ZNF606: variants seen among roughly 807,000 people sequenced by gnomAD.
The protein encoded by ZNF606 is zinc finger protein 606, also known as zinc finger protein 328.
Under a neutral mutation model 74.9 loss-of-function variants are expected in ZNF606, and 37 were observed. The observed-to-expected ratio is 0.49, with a 90% CI of 0.38 to 0.65. The LOEUF (loss-of-function observed/expected upper bound fraction) is 0.65, where lower values mean the gene tolerates loss of function less well. ZNF606 is among the 30% of genes least tolerant of loss of function. ZNF606 has a pLI of 0.00. For missense variants in ZNF606, 852 were observed against 952.9 expected (o/e 0.89, Z 1.39); for synonymous variants, 328 against 312.4 (o/e 1.05, Z -0.53).
In ZNF606 at chr19:57,980,175, G is replaced by A. The variant is rs778957817; in HGVS notation, c.505C>T (p.Pro169Ser). 10 of 1,614,098 alleles carry A rather than the reference G, an allele frequency of 6.2e-6. No individual in the cohort carries two copies. The highest frequency in any genetic ancestry group is 8.5e-6 in the Non-Finnish European group (10 of 1,180,028). ...MKLERYIWDD[P>S]WFSRLEVLGC... ...AAAACTTCTAACCTGGAGAACCAAGGATCATCCCATATATATCTTTCCAAC... is the reference window on the plus strand; with the variant it reads ...AAAACTTCTAACCTGGAGAACCAAGAATCATCCCATATATATCTTTCCAAC... Residue 169 changes from proline to serine, a missense_variant, in exon 7 of 7, where the codon CCT becomes TCT. Pro to Ser is a moderately conservative substitution (Grantham distance 74, BLOSUM62 -1). This residue lies in a region of ZNF606 where 545 missense variants were observed against 542.5 expected (regional missense o/e 1.00). Transcript: ENST00000551380.
chr19:57,997,133 G>A (rs541052684), intron 4 of ZNF606, among the ~76,000 whole-genome samples: 1 of 152,332 alleles, frequency 6.6e-6, no homozygotes, highest in South Asian at 2.1e-4. Context: ...CCAAGCATGG[G>A]TGCAGACTAT....
intron 4 of ZNF606, among the ~76,000 whole-genome samples, chr19:57,992,682 T>C (rs1392731880): frequency 6.6e-6 from 1 of 152,262 alleles, no homozygotes. Context: ...AAAGGTATTG[T>C]GGTTTCTTCC....
chr19:58,002,544 G>A lies in ZNF606; in HGVS notation c.-200C>T, dbSNP rs1033934434. ...CGCGGCCTCGGGGACAAAGGCCCGC[G>A]GAGCCGACGTGCAGCAGAGTTCACC... is the stretch of plus-strand genomic sequence containing the variant. On this transcript the variant is annotated 5_prime_UTR_variant, in exon 1 of 7. Transcript: ENST00000551380. 9.4e-6 allele frequency: 4 copies of A among 424,790 alleles called. No homozygotes were observed. Among genetic ancestry groups the A allele is most frequent in the African/African-American group, 2.0e-5 (1 of 48,918 alleles). The allele number at this position is 424,790 out of a possible 1,614,324, so 26.3% of individuals were successfully genotyped here. A position where few individuals can be genotyped will look rare whatever the true frequency, so the allele number is the denominator to read the frequency against.
chr19:57,978,198 G>A lies in ZNF606; in HGVS notation c.*103C>T. The A allele has an allele frequency of 8.5e-7, 1 of 1,170,152 alleles. No individual in the cohort carries two copies. Among genetic ancestry groups the A allele is most frequent in the Non-Finnish European group, 1.2e-6 (1 of 850,134 alleles). 72.5% of individuals were successfully genotyped at this position (1,170,152 alleles called of 1,614,324 possible). A position where few individuals can be genotyped will look rare whatever the true frequency, so the allele number is the denominator to read the frequency against. On this transcript the variant is annotated 3_prime_UTR_variant, in exon 7 of 7. Transcript: ENST00000551380. The surrounding 1 kb of genome is among the most constrained non-coding windows in gnomAD (Gnocchi z 4.4). ...TTTTCTAGTAAATAATGTGGGAGAA[G>A]TCTTACTGAACTCTTAATGAAAAAT...
rs1387402410 is a variant in ZNF606 at position 57,988,105 on chromosome 19, C to A, written c.400+102G>T. On this transcript the variant is annotated intron_variant, in intron 6 of 6. Coordinates refer to ENST00000551380, the MANE Select transcript of ZNF606 (RefSeq NM_001348022.3). ...AGAAGAAAGCTCCTTAGAGGGAATTCTAAATGCATCTGAGGAAGGTAACTC... is the reference window on the plus strand; with the variant it reads ...AGAAGAAAGCTCCTTAGAGGGAATTATAAATGCATCTGAGGAAGGTAACTC... 4 of 851,692 alleles carry A rather than the reference C, an allele frequency of 4.7e-6. No individual in the cohort carries two copies. The African/African-American group carries it at 6.8e-5, about 15-fold the overall frequency. 52.8% of individuals were successfully genotyped at this position (851,692 alleles called of 1,614,324 possible).
rs374028851 is a variant in ZNF606 at position 57,988,189 on chromosome 19, C to T, written c.400+18G>A. 13 of 1,606,702 alleles carry T rather than the reference C, an allele frequency of 8.1e-6. No individual in the cohort carries two copies. In the African/African-American group the frequency reaches 1.7e-4, roughly 22 times the overall value. On this transcript the variant is annotated intron_variant, in intron 6 of 6. Coordinates refer to ENST00000551380, the MANE Select transcript of ZNF606 (RefSeq NM_001348022.3). ...GCTTGGGGGGAAGTTCCTTGTTCAG[C>T]CTGGGGTCTGCCCTCACCTGGACAA...
chr19:57,993,051 A>G (rs59183504), intron 4 of ZNF606, among the ~76,000 whole-genome samples: 23,951 of 152,194 alleles, frequency 0.16, 1,913 homozygotes, highest in African/African-American at 0.2. Flanking sequence ...GGCAGGAGTC[A>G]GAGTCACAGG....
rs200642341 is a variant in ZNF606 at position 57,999,758 on chromosome 19, C to T, written c.177+50G>A. 1.8e-5 allele frequency: 28 copies of T among 1,571,790 alleles called. No homozygotes were observed. The East Asian group carries it at 5.6e-4, about 32-fold the overall frequency. On this transcript the variant is annotated intron_variant, in intron 4 of 6. Coordinates refer to ENST00000551380, the MANE Select transcript of ZNF606 (RefSeq NM_001348022.3). ...GGAGAGCCGCATCAACTGGGATGAC[C>T]AGGGATAACCTGGACATCATCCTCT...
chr19:57,992,571 C>T (rs1015949172), intron 4 of ZNF606, among the ~76,000 whole-genome samples: 1 of 152,106 alleles, frequency 6.6e-6, no homozygotes, highest in Non-Finnish European at 1.5e-5. Flanking sequence ...TTTGAACAAA[C>T]CAACAACTGT....
In ZNF606 at chr19:57,981,220, G is replaced by C. The variant is rs1252508709; in HGVS notation, c.401-941C>G. Among the ~76,000 whole-genome samples the C allele has an allele frequency of 2.6e-5, 4 of 152,122 alleles. No individual in the cohort carries two copies. The East Asian group carries it at 7.7e-4, about 29-fold the overall frequency. On this transcript the variant is annotated intron_variant, in intron 6 of 6. Coordinates refer to ENST00000551380, the MANE Select transcript of ZNF606 (RefSeq NM_001348022.3). ...TTCGCACGTGTTGTCACAACTCCTT[G>C]CTTGAGGAATTAAGTGTGCCCCATG... is the stretch of plus-strand genomic sequence containing the variant.
At chr19:57,984,986 TA>T (rs1478062808) in intron 6 of ZNF606, among the ~76,000 whole-genome samples, 1 of 152,016 alleles carries the variant, frequency 6.6e-6, no homozygotes, top group South Asian at 2.1e-4. Context: ...TCCCACCTAC[TA>T]GGGGGGCTGA....
rs1204618888 is a variant in ZNF606 at position 57,977,466 on chromosome 19, T to C, written c.*835A>G. The C allele has an allele frequency of 6.6e-6, 1 of 152,262 alleles. No homozygotes were observed. Among genetic ancestry groups the C allele is most frequent in the African/African-American group, 2.4e-5 (1 of 41,476 alleles). The allele number at this position is 152,262 out of a possible 1,614,324, so 9.4% of individuals were successfully genotyped here. Reference sequence around the variant, plus strand: ...TTACCCATATACATTTTTTTAGATGTGTTACAGTAAGTATGTATATACAAT... The same window carrying C: ...TTACCCATATACATTTTTTTAGATGCGTTACAGTAAGTATGTATATACAAT... On this transcript the variant is annotated 3_prime_UTR_variant, in exon 7 of 7. Coordinates refer to ENST00000551380, the MANE Select transcript of ZNF606 (RefSeq NM_001348022.3).
rs746964061 is a variant in ZNF606, at chr19:57,999,919, T to C, written c.89-23A>G. On this transcript the variant is annotated intron_variant, in intron 3 of 6. Coordinates refer to ENST00000551380, the MANE Select transcript of ZNF606 (RefSeq NM_001348022.3). ...GAGCTAGGAAACGAGAAAAAAGTCATGGAGGCAGCTCTCGCTGCCAGGAGC... is the reference window on the plus strand; with the variant it reads ...GAGCTAGGAAACGAGAAAAAAGTCACGGAGGCAGCTCTCGCTGCCAGGAGC... 11 of 1,609,706 alleles carry C rather than the reference T, an allele frequency of 6.8e-6. No individual in the cohort carries two copies. The East Asian group carries it at 1.3e-4, about 20-fold the overall frequency.
At chr19:57,984,006 T>G (rs760035929) in intron 6 of ZNF606, among the ~76,000 whole-genome samples, 3 of 152,196 alleles carry the variant, frequency 2.0e-5, no homozygotes, top group Non-Finnish European at 2.9e-5. Context: ...AGGTGGCTAA[T>G]AACAAGTGAG....
At chr19:58,001,807 G>A (rs1325149001) in intron 1 of ZNF606, among the ~76,000 whole-genome samples, 1 of 152,164 alleles carries the variant, frequency 6.6e-6, no homozygotes, top group Non-Finnish European at 1.5e-5. Flanking sequence ...GGGGATGATT[G>A]CACAACTTTA....
intron 3 of ZNF606, 68 bp from the exon 4 acceptor site, chr19:57,999,964 G>A: frequency 2.1e-6 from 3 of 1,459,802 alleles, no homozygotes; most frequent in South Asian, 2.4e-5. Flanking sequence ...CTTCTGGGGG[G>A]CTGAGAACCA....
chr19:58,000,653 A>G lies in ZNF606; in HGVS notation c.88+30T>C, dbSNP rs780955987. The G allele has an allele frequency of 5.0e-6, 8 of 1,613,176 alleles. No individual in the cohort carries two copies. The Admixed American group carries it at 1.0e-4, about 20-fold the overall frequency. The stretch of plus-strand genomic sequence containing the variant: ...CTACAGCCAGAGGCCACAATATGGC[A>G]GCCCACAGCTGACCAGGCTCTTGAC... On this transcript the variant is annotated intron_variant, in intron 3 of 6. Coordinates refer to ENST00000551380, the MANE Select transcript of ZNF606 (RefSeq NM_001348022.3).
intron 4 of ZNF606, 94 bp from the exon 5 acceptor site, chr19:57,988,815 C>T: frequency 6.3e-7 from 1 of 1,583,300 alleles, no homozygotes; most frequent in Middle Eastern, 1.7e-4. Context: ...GGAGAGAAGA[C>T]AGGATGTAGA....
intron 6 of ZNF606, among the ~76,000 whole-genome samples, chr19:57,981,322 C>A (rs1395832575): frequency 6.6e-6 from 1 of 152,146 alleles, no homozygotes; most frequent in Non-Finnish European, 1.5e-5. Flanking sequence ...TATCCTTTCA[C>A]TGTAATACAC....
Sources: allele counts gnomAD v4.1 joint callset (sites outside exome capture counted in the v4.1 genomes callset), GRCh38; gene constraint gnomAD v4.1.1; regional missense constraint gnomAD v4.1.1; non-coding constraint Gnocchi (gnomAD v3.1); transcripts MANE v1.5; gene names NCBI Gene and HGNC (gene_info 2026-07-23, HGNC 2026-07-21).